ZNF519: variants seen among roughly 807,000 people sequenced by gnomAD.
ZNF519 encodes similar to Zinc finger protein 85 (Zinc finger protein HPF4) (HTF1).
In ZNF519, 7 loss-of-function variants were observed where a neutral mutation model predicts 7.4. That is an observed-to-expected ratio of 0.94 (90% confidence interval 0.54 to 1.77). The LOEUF is 1.77. Ranked by LOEUF, ZNF519 falls within the 40% of genes most tolerant of loss-of-function variation. The probability of loss-of-function intolerance (pLI) is 0.00; values close to 1 mark genes in which losing one functional copy is unlikely to be tolerated. For synonymous variants in ZNF519, 179 were observed against 203.3 expected, an observed-to-expected ratio of 0.88 and a Z score of 1.02; for missense variants, 586 against 623.1, an observed-to-expected ratio of 0.94 and a Z score of 0.63.
At chr18:14,085,870 C>T (rs11874685) in intron 2 of ZNF519, among the ~76,000 whole-genome samples, 4,346 of 152,316 alleles carry the variant, frequency 0.029, 214 homozygotes, top group African/African-American at 0.099. Context: ...ATAGGACAGT[C>T]TCATGTTCTG....
rs71354934 is a variant in ZNF519 at position 14,126,975 on chromosome 18, A to G, written c.4-2499T>C. On this transcript the variant is annotated intron_variant, in intron 1 of 2. Coordinates refer to ENST00000590202, the MANE Select transcript of ZNF519 (RefSeq NM_145287.4). Reference sequence around the variant, plus strand: ...CACTCAGGCTTTGTGGGGTGCAAATATTATAGAAAATGGTTCTGCCCTGGT... The same window carrying G: ...CACTCAGGCTTTGTGGGGTGCAAATGTTATAGAAAATGGTTCTGCCCTGGT... Among the ~76,000 whole-genome samples, 551 of 152,294 alleles carry G rather than the reference A, an allele frequency of 3.6e-3. 7 individuals are homozygous for G. Among genetic ancestry groups the G allele is most frequent in the Non-Finnish European group, 2.1e-3 (146 of 68,032 alleles).
chr18:14,083,573 G>A (rs1369766531), intron 3 of ZNF519, among the ~76,000 whole-genome samples: 2 of 151,928 alleles, frequency 1.3e-5, no homozygotes, highest in Admixed American at 6.6e-5. Context: ...TTTATTTCTC[G>A]ATGATATCAA....
downstream of ZNF519, among the ~76,000 whole-genome samples, chr18:14,098,738 GA>G (rs2046147824): frequency 6.6e-6 from 1 of 152,152 alleles, no homozygotes; most frequent in Non-Finnish European, 1.5e-5. Flanking sequence ...GTTCACAACA[GA>G]CATTTGCAAC....
At chr18:14,074,810 C>T (rs1378587518), downstream of ZNF519, 1 of 152,256 alleles carries the variant, frequency 6.6e-6, no homozygotes, top group African/African-American at 2.4e-5. Flanking sequence ...CCAACCTTTC[C>T]CTGTTACCCA....
rs781485420 is a variant in ZNF519, at chr18:14,105,323, C to T, written c.1217G>A (p.Cys406Tyr). Residue 406 changes from cysteine (C) to tyrosine (Y), a missense_variant, in exon 3 of 3, where the codon TGT becomes TAT. Physicochemically the swap from Cys to Tyr is radical, Grantham distance 194 (BLOSUM62 -2). Transcript: ENST00000590202. The part of the protein sequence containing the change: ...RMHTGEKPFK[C>Y]KECGKAFNRA... Reference sequence around the variant, plus strand: ...GTTAAAAGCTTTGCCACATTCCTTACACTTGAAAGGTTTCTCTCCAGTATG... The same window carrying T: ...GTTAAAAGCTTTGCCACATTCCTTATACTTGAAAGGTTTCTCTCCAGTATG... 1.2e-6 allele frequency: 2 copies of T among 1,613,976 alleles called. No individual in the cohort carries two copies. Among genetic ancestry groups the T allele is most frequent in the Non-Finnish European group, 1.7e-6 (2 of 1,179,964 alleles).
At chr18:14,123,724 A>G (rs538211396) in intron 2 of ZNF519, among the ~76,000 whole-genome samples, 2 of 152,316 alleles carry the variant, frequency 1.3e-5, no homozygotes, top group South Asian at 2.1e-4. Context: ...TGCAAAATAC[A>G]TAAATAAATA....
intron 2 of ZNF519, chr18:14,090,418 GTTCTAAA>G (rs973760537): frequency 1.1e-4 from 16 of 152,296 alleles, no homozygotes; most frequent in African/African-American, 3.9e-4. Context: ...AAATACAAAT[GTTCTAAA>G]CAAGAAGAGG....
At chr18:14,079,637 G>T (rs1247148544) in intron 3 of ZNF519, among the ~76,000 whole-genome samples, 1 of 152,138 alleles carries the variant, frequency 6.6e-6, no homozygotes, top group Non-Finnish European at 1.5e-5. Flanking sequence ...TGACTTCAGA[G>T]GTTAAGGTAA....
intron 2 of ZNF519, among the ~76,000 whole-genome samples, chr18:14,088,956 AT>A (rs147143688): frequency 0.036 from 5,416 of 151,738 alleles, 315 homozygotes; most frequent in African/African-American, 0.12. Context: ...TGTTTTTGGA[AT>A]TTTTTTTTAA....
At chr18:14,128,090 C>A (rs1424762429) in intron 1 of ZNF519, among the ~76,000 whole-genome samples, 3 of 151,806 alleles carry the variant, frequency 2.0e-5, no homozygotes, top group Non-Finnish European at 2.9e-5. Context: ...GAGATCGAGA[C>A]CATCCTGGCG....
chr18:14,072,436 G>C (rs1004610279), downstream of ZNF519: 1 of 152,208 alleles, frequency 6.6e-6, no homozygotes, highest in Non-Finnish European at 1.5e-5. Context: ...TGGTGACTGA[G>C]TGTTGGCACT....
At position 14,105,465 on chromosome 18, in the gene ZNF519, T is replaced by A. The variant is rs1320013383; in HGVS notation, c.1075A>T (p.Arg359Trp). The A allele has an allele frequency of 6.2e-7, 1 of 1,613,524 alleles. No individual in the cohort carries two copies. The highest frequency in any genetic ancestry group is 1.7e-5 in the Admixed American group (1 of 59,974). The change falls in exon 3 of 3, where the codon AGG becomes TGG. Residue 359 changes from arginine to tryptophan, a missense_variant. By Grantham distance (101) the Arg-to-Trp change is moderately radical. Coordinates refer to ENST00000590202, the MANE Select transcript of ZNF519 (RefSeq NM_145287.4). ...TGGTGTTGAGTAAGGTATGACCCCCTGTTAAAGGCTTTGCCACATTCTTCA... is the reference window on the plus strand; with the variant it reads ...TGGTGTTGAGTAAGGTATGACCCCCAGTTAAAGGCTTTGCCACATTCTTCA... ...KCEECGKAFN[R>W]GSYLTQHQRI... is the part of the protein sequence containing the mutation.
chr18:14,101,936 CT>C lies in ZNF519; in HGVS notation c.*2980del, dbSNP rs376289535. 6.1e-5 allele frequency: 24 copies of C among 393,142 alleles called. No homozygotes were observed. The South Asian group carries it at 3.3e-3, about 54-fold the overall frequency. 24.4% of individuals were successfully genotyped at this position (393,142 alleles called of 1,614,324 possible). ...TCTCCTAAATGCATGAAAGGCAGAG[CT>C]TTTCAACATGAATAATTTTAAGACA... On this transcript the variant is annotated 3_prime_UTR_variant, in exon 3 of 3. Coordinates refer to ENST00000590202, the MANE Select transcript of ZNF519 (RefSeq NM_145287.4).
rs552977206 is a variant in ZNF519, at chr18:14,105,584, G to A, written c.956C>T (p.Pro319Leu). 4 of 1,613,502 alleles carry A rather than the reference G, an allele frequency of 2.5e-6. No individual in the cohort carries two copies. The highest frequency in any genetic ancestry group is 2.7e-5 in the African/African-American group (2 of 74,744). ...TTTGCCACATTCCTTACACTTGAAA[G>A]GCTTCTCTCCAGTATGGATTCTCTG... ...QHQRIHTGEKPFKCKECGKAF... is the reference protein window; with the variant it reads ...QHQRIHTGEKLFKCKECGKAF... The change falls in exon 3 of 3, where the codon CCT (proline) becomes CTT (leucine). Residue 319 changes from proline to leucine, a missense_variant. Pro to Leu is a moderately conservative substitution (Grantham distance 98). Coordinates refer to ENST00000590202, the MANE Select transcript of ZNF519 (RefSeq NM_145287.4).
At chr18:14,096,923 G>A (rs925394538), downstream of ZNF519, among the ~76,000 whole-genome samples, 3 of 152,152 alleles carry the variant, frequency 2.0e-5, no homozygotes, top group African/African-American at 4.8e-5. Flanking sequence ...AAGGATCCAG[G>A]TTGTTGGCCA....
chr18:14,094,444 G>T lies in ZNF519; in HGVS notation c.131-9368C>A, dbSNP rs148540204. On this transcript the variant is annotated intron_variant and NMD_transcript_variant, in intron 2 of 4. Coordinates refer to the ZNF519 transcript ENST00000587419. The stretch of plus-strand genomic sequence containing the variant: ...TACATACGGCCTTTATTATGTTAAG[G>T]TGTTTTTCTTCTACACCTAATTTGT... 3.3e-5 allele frequency among the ~76,000 whole-genome samples: 5 copies of T among 152,228 alleles called. No homozygotes were observed. The East Asian group carries it at 9.6e-4, about 29-fold the overall frequency.
At position 14,125,608 on chromosome 18, in the gene ZNF519, A is replaced by C. The variant is rs2046295181; in HGVS notation, c.4-1132T>G. 2.0e-5 allele frequency among the ~76,000 whole-genome samples: 3 copies of C among 152,292 alleles called. No individual in the cohort carries two copies. The South Asian group carries it at 6.2e-4, about 32-fold the overall frequency. On this transcript the variant is annotated intron_variant, in intron 1 of 2. Coordinates refer to ENST00000590202, the MANE Select transcript of ZNF519 (RefSeq NM_145287.4). ...CAATTCAGTGTTTGTATTTACTTTG[A>C]GACTTGTGAAGAAATCATTGAAACT...
chr18:14,098,158 T>C (rs1317076975), downstream of ZNF519, among the ~76,000 whole-genome samples: 7 of 147,486 alleles, frequency 4.7e-5, no homozygotes, highest in Non-Finnish European at 1.0e-4. Context: ...CAACTTTCAC[T>C]GTCTTTTTTT....
At position 14,099,939 on chromosome 18, in the gene ZNF519, TTTTC is replaced by T. The variant is rs1290073022; in HGVS notation, c.*4974_*4977del. On this transcript the variant is annotated 3_prime_UTR_variant, in exon 3 of 3. Coordinates refer to ENST00000590202, the MANE Select transcript of ZNF519 (RefSeq NM_145287.4). ...GATGGAAGAAAATCCTTGCAAATGT[TTTTC>T]TTTGTGGAAAAAAAACTTATTTATT... The T allele has an allele frequency of 2.0e-5, 3 of 152,220 alleles. No individual in the cohort carries two copies. The highest frequency in any genetic ancestry group is 7.2e-5 in the African/African-American group (3 of 41,458). The allele number at this position is 152,220 out of a possible 1,614,324, so 9.4% of individuals were successfully genotyped here.
Sources: gnomAD v4.1 joint callset for allele counts (sites outside exome capture counted in the v4.1 genomes callset) on GRCh38, gnomAD v4.1.1 for gene constraint, MANE v1.5 for transcripts, NCBI Gene and HGNC (gene_info 2026-07-23, HGNC 2026-07-21) for gene names.